The following TMEM266 variants were observed in gnomAD, a reference collection of about 807,000 sequenced individuals.
TMEM266 encodes transmembrane protein 266, also known as Hv1 related protein 1.
Under a neutral mutation model 50.5 loss-of-function variants are expected in TMEM266, and 33 were observed. That is an observed-to-expected ratio of 0.65 (90% CI 0.50 to 0.87). The LOEUF (loss-of-function observed/expected upper bound fraction) is 0.87. Among genes scored for constraint, TMEM266 ranks in the 40% least tolerant of loss-of-function variants. The pLI is 0.00. For missense variants in TMEM266, 655 were observed against 695.1 expected, an observed-to-expected ratio of 0.94 and a Z score of 0.65; for synonymous variants, 310 against 292.3, an observed-to-expected ratio of 1.06 and a Z score of -0.62.
chr15:76,137,832 T>G lies in TMEM266; in HGVS notation c.164T>G (p.Val55Gly). The G allele has an allele frequency of 6.2e-7, 1 of 1,613,296 alleles. No individual in the cohort carries two copies. Among genetic ancestry groups the G allele is most frequent in the Non-Finnish European group, 8.5e-7 (1 of 1,179,620 alleles). ...TATCGGGACTTGCCCCTGGCTGCTG[T>G]CGATCTCTCCACGGCGGGCTCGCAG... is the stretch of plus-strand genomic sequence containing the variant. The change falls in exon 3 of 11, where the codon GTC becomes GGC. Residue 55 changes from valine to glycine, a missense_variant. Physicochemically the swap from Val to Gly is moderately radical, Grantham distance 109. Transcript: ENST00000388942.
intron 1 of TMEM266, among the ~76,000 whole-genome samples, chr15:76,105,712 G>A (rs1371572925): frequency 6.6e-6 from 1 of 152,210 alleles, no homozygotes; most frequent in African/African-American, 2.4e-5. Context: ...CAGGAATGAT[G>A]TCTCCATTAT....
rs77345971 is a variant in TMEM266 at position 76,139,364 on chromosome 15, A to G, written c.227+1469A>G. Among the ~76,000 whole-genome samples the G allele has an allele frequency of 6.6e-6, 1 of 152,192 alleles. No homozygotes were observed. Among genetic ancestry groups the G allele is most frequent in the Non-Finnish European group, 1.5e-5 (1 of 68,028 alleles). The stretch of plus-strand genomic sequence containing the variant: ...GACACTGGACAAAAAAGGATAGGCA[A>G]GCAGGTCGGAGGCAGCTAAGGGACA... On this transcript the variant is annotated intron_variant, in intron 3 of 10. Coordinates refer to ENST00000388942, the MANE Select transcript of TMEM266 (RefSeq NM_152335.3). This position sits in a 1 kb window ranked among gnomAD's most constrained non-coding sequence, Gnocchi z 4.1.
In TMEM266 at chr15:76,136,716, C is replaced by T. The variant is rs75635604; in HGVS notation, c.39-991C>T. Among the ~76,000 whole-genome samples, 660 of 152,206 alleles carry T rather than the reference C, an allele frequency of 4.3e-3. 8 individuals carry two copies. The highest frequency in any genetic ancestry group is 0.014 in the East Asian group (70 of 5,182). On this transcript the variant is annotated intron_variant, in intron 2 of 10. Transcript: ENST00000388942. The stretch of plus-strand genomic sequence containing the variant: ...AGGGTCAAGGACATACTGGATGGAC[C>T]GAAGATGGTGCCCCAGGAAGCTAAG...
Position 76,064,681 on chromosome 15 carries a change from T to A in TMEM266, c.-97+4665T>A, listed in dbSNP as rs1040430134. Among the ~76,000 whole-genome samples the A allele has an allele frequency of 2.6e-4, 40 of 152,352 alleles. 1 individual carries two copies. Among genetic ancestry groups the A allele is most frequent in the African/African-American group, 9.4e-4 (39 of 41,580 alleles). The stretch of plus-strand genomic sequence containing the variant: ...CCTCCCTAAAACTGCTTTTGATTTG[T>A]AATAGAAACTACTTAGTAGCTAGGA... On this transcript the variant is annotated intron_variant, in intron 1 of 10. Transcript: ENST00000388942.
At chr15:76,098,855 C>G (rs540189725) in intron 1 of TMEM266, among the ~76,000 whole-genome samples, 1 of 152,294 alleles carries the variant, frequency 6.6e-6, no homozygotes, top group East Asian at 1.9e-4. Context: ...TCAAACTTCC[C>G]AGCAGCTTTG....
intron 2 of TMEM266, among the ~76,000 whole-genome samples, chr15:76,136,051 C>T (rs2142030765): frequency 6.6e-6 from 1 of 151,918 alleles, no homozygotes; most frequent in Non-Finnish European, 1.5e-5. Flanking sequence ...TCAAGCGATT[C>T]TCCTGCCTCA....
chr15:76,099,628 A>G (rs2036970862), intron 1 of TMEM266, among the ~76,000 whole-genome samples: 1 of 152,186 alleles, frequency 6.6e-6, no homozygotes, highest in Non-Finnish European at 1.5e-5. Context: ...AGAGCTGGAA[A>G]ATGGAAGCAT....
chr15:76,130,103 C>T (rs1237001554), intron 1 of TMEM266, among the ~76,000 whole-genome samples: 1 of 150,952 alleles, frequency 6.6e-6, no homozygotes, highest in Non-Finnish European at 1.5e-5. Flanking sequence ...TTGTGCTTTT[C>T]AGCTACTCTG....
intron 8 of TMEM266, among the ~76,000 whole-genome samples, chr15:76,191,306 G>GA (rs1422373322): frequency 2.0e-5 from 3 of 152,250 alleles, no homozygotes; most frequent in Non-Finnish European, 4.4e-5. Context: ...CGCCATCTGG[G>GA]AGAAAGCCCT....
At chr15:76,081,571 G>A (rs1292386827) in intron 1 of TMEM266, among the ~76,000 whole-genome samples, 3 of 152,192 alleles carry the variant, frequency 2.0e-5, no homozygotes, top group South Asian at 2.1e-4. Flanking sequence ...GGCTCCTCGC[G>A]GTTGAGTCCT....
At chr15:76,142,981 C>A (rs773213542) in intron 3 of TMEM266, among the ~76,000 whole-genome samples, 1 of 152,194 alleles carries the variant, frequency 6.6e-6, no homozygotes, top group Non-Finnish European at 1.5e-5. Flanking sequence ...CAGTTCTGAT[C>A]GCTTGTGTCT....
intron 8 of TMEM266, chr15:76,175,882 CCT>C (rs2038268973): frequency 8.1e-6 from 4 of 494,104 alleles, no homozygotes; most frequent in Admixed American, 3.6e-5. Context: ...TGGACTCAAC[CCT>C]GACTCCCAGG....
At chr15:76,066,439 T>G (rs974639046) in intron 1 of TMEM266, among the ~76,000 whole-genome samples, 1 of 152,164 alleles carries the variant, frequency 6.6e-6, no homozygotes, top group Admixed American at 6.5e-5. Context: ...TTTTAAGAAG[T>G]GTTTAGAAGT....
chr15:76,171,067 C>A lies in TMEM266; in HGVS notation c.588C>A (p.Ser196Arg), dbSNP rs143442681. 6.2e-7 allele frequency: 1 copy of A among 1,613,260 alleles called. No homozygotes were observed. Among genetic ancestry groups the A allele is most frequent in the East Asian group, 2.2e-5 (1 of 44,844 alleles). ...CCACTGTGGCCAATGGACCCAGGAG[C>A]CCCTGGGACGCCATCAGCCTCATCA... The change falls in exon 7 of 11, where the codon AGC becomes AGA. Residue 196 changes from serine (S) to arginine (R), a missense_variant. By Grantham distance (110) the Ser-to-Arg change is moderately radical. Transcript: ENST00000388942.
chr15:76,103,055 G>A (rs967422105), intron 1 of TMEM266, among the ~76,000 whole-genome samples: 7 of 152,196 alleles, frequency 4.6e-5, no homozygotes, highest in Admixed American at 4.6e-4. Flanking sequence ...CAGGCAAAGG[G>A]GGAAGCAGGG....
intron 7 of TMEM266, among the ~76,000 whole-genome samples, chr15:76,173,826 G>C (rs1473745283): frequency 1.3e-5 from 2 of 151,944 alleles, no homozygotes. Flanking sequence ...CTAGCTACTG[G>C]GGAGGCTGAG....
At chr15:76,133,155 C>T (rs1213044260) in intron 1 of TMEM266, among the ~76,000 whole-genome samples, 4 of 146,738 alleles carry the variant, frequency 2.7e-5, no homozygotes, top group Non-Finnish European at 4.5e-5. Flanking sequence ...TAAATCAGGC[C>T]GGGCGCGGTG....
At chr15:76,149,917 T>C (rs2037812289) in intron 3 of TMEM266, among the ~76,000 whole-genome samples, 2 of 152,232 alleles carry the variant, frequency 1.3e-5, no homozygotes, top group Admixed American at 1.3e-4. Flanking sequence ...TTCTCCAATA[T>C]TTTAATCATC....
intron 2 of TMEM266, 100 bp downstream of exon 2, chr15:76,134,401 C>T (rs753770639): frequency 1.6e-6 from 2 of 1,279,342 alleles, no homozygotes; most frequent in Non-Finnish European, 1.1e-6. Context: ...ATGTACATTT[C>T]CTTTAGCAGG....
Sources: allele counts gnomAD v4.1 joint callset (sites outside exome capture counted in the v4.1 genomes callset), GRCh38; gene constraint gnomAD v4.1.1; non-coding constraint Gnocchi (gnomAD v3.1); transcripts MANE v1.5; gene names NCBI Gene and HGNC (gene_info 2026-07-23, HGNC 2026-07-21).